The following NUP155 variants were observed in gnomAD, a reference collection of about 807,000 sequenced individuals.
NUP155 encodes the protein nuclear pore complex protein Nup155.
Under a neutral mutation model 180.4 loss-of-function variants are expected in NUP155, and 71 were observed. The ratio of observed to expected loss-of-function variants is 0.39; its 90% confidence interval spans 0.33 to 0.48. The LOEUF (loss-of-function observed/expected upper bound fraction) is 0.48. Ranked by LOEUF, NUP155 falls within the 20% of genes least tolerant of loss-of-function variation. NUP155 has a pLI of 0.91. For missense variants in NUP155, 1,553 were observed against 1,648.9 expected (o/e 0.94, Z 1.01); for synonymous variants, 582 against 559.5 (o/e 1.04, Z -0.57).
intron 20 of NUP155, among the ~76,000 whole-genome samples, chr5:37,320,567 A>C (rs1744182960): frequency 6.6e-6 from 1 of 152,238 alleles, no homozygotes; most frequent in Non-Finnish European, 1.5e-5. Flanking sequence ...GGAAAAGATG[A>C]AACTATCTCT....
chr5:37,362,644 T>C (rs1747297494), intron 3 of NUP155, among the ~76,000 whole-genome samples: 1 of 152,206 alleles, frequency 6.6e-6, no homozygotes, highest in Non-Finnish European at 1.5e-5. Context: ...TGTAATATTT[T>C]TGCAATGACT....
rs139860402 is a variant in NUP155, at chr5:37,360,105, G to A, written c.393-1954C>T. Reference sequence around the variant, plus strand: ...TGCACTCAAGCCTGGGCAACAGAGCGAGACTCTGTCTCAAAAAAAAGGGAG... The same window carrying A: ...TGCACTCAAGCCTGGGCAACAGAGCAAGACTCTGTCTCAAAAAAAAGGGAG... On this transcript the variant is annotated intron_variant, in intron 3 of 34. Transcript: ENST00000231498. Among the ~76,000 whole-genome samples, 108 of 151,892 alleles carry A rather than the reference G, an allele frequency of 7.1e-4. 1 individual carries two copies. In the East Asian group the frequency reaches 0.012, roughly 17 times the overall value.
chr5:37,314,195 T>C lies in NUP155; in HGVS notation c.2436+3A>G, dbSNP rs754737963. 38 of 1,600,416 alleles carry C rather than the reference T, an allele frequency of 2.4e-5. No individual in the cohort carries two copies. The highest frequency in any genetic ancestry group is 3.3e-5 in the Non-Finnish European group (38 of 1,169,154). On this transcript the variant is annotated splice_donor_region_variant and intron_variant, in intron 22 of 34. Coordinates refer to ENST00000231498, the MANE Select transcript of NUP155 (RefSeq NM_153485.3). ...ATAATCATAAAAAAATAAAAAAAAT[T>C]ACCTTCTGAAGTTCTGCCACAATGA...
rs749280881 is a variant in NUP155 at position 37,351,189 on chromosome 5, C to T, written c.723+1G>A. ...AAAACGTTTACAAATGTCAGACTTACCTGGTAGGCTACTTCATATAAACAG... is the reference window on the plus strand; with the variant it reads ...AAAACGTTTACAAATGTCAGACTTATCTGGTAGGCTACTTCATATAAACAG... On this transcript the variant is annotated splice_donor_variant, in intron 6 of 34. Coordinates refer to ENST00000231498, the MANE Select transcript of NUP155 (RefSeq NM_153485.3). LOFTEE classifies it high-confidence loss of function. 4 of 1,613,106 alleles carry T rather than the reference C, an allele frequency of 2.5e-6. No homozygotes were observed. Among genetic ancestry groups the T allele is most frequent in the Non-Finnish European group, 3.4e-6 (4 of 1,179,312 alleles).
chr5:37,339,632 C>A (rs899942795), intron 11 of NUP155, among the ~76,000 whole-genome samples: 6 of 152,060 alleles, frequency 3.9e-5, no homozygotes, highest in African/African-American at 1.4e-4. Flanking sequence ...TTCCTCCCCA[C>A]CCTCAAATGA....
rs951366887 is a variant in NUP155, at chr5:37,291,100, C to T, written c.*800G>A. 3.3e-5 allele frequency: 5 copies of T among 152,194 alleles called. No individual in the cohort carries two copies. The highest frequency in any genetic ancestry group is 1.3e-4 in the Admixed American group (2 of 15,264). 9.4% of individuals were successfully genotyped at this position (152,194 alleles called of 1,614,324 possible). ...CTATGTCAATTCTCAAGGGCTTTAACTGACAAAACCAGTTGTTAGAGGACA... is the reference window on the plus strand; with the variant it reads ...CTATGTCAATTCTCAAGGGCTTTAATTGACAAAACCAGTTGTTAGAGGACA... On this transcript the variant is annotated 3_prime_UTR_variant, in exon 35 of 35. Coordinates refer to ENST00000231498, the MANE Select transcript of NUP155 (RefSeq NM_153485.3).
At chr5:37,344,723 T>C (rs947984926) in intron 9 of NUP155, among the ~76,000 whole-genome samples, 1 of 151,772 alleles carries the variant, frequency 6.6e-6, no homozygotes, top group African/African-American at 2.4e-5. Flanking sequence ...AATACAAAAA[T>C]TACCCAGGTG....
chr5:37,322,984 C>T (rs1454244001), intron 20 of NUP155, among the ~76,000 whole-genome samples: 1 of 149,770 alleles, frequency 6.7e-6, no homozygotes, highest in Non-Finnish European at 1.5e-5. Context: ...AAAAAAAAAA[C>T]CCAAATGTCC....
At chr5:37,346,087 G>A (rs565919378) in intron 9 of NUP155, among the ~76,000 whole-genome samples, 3 of 151,924 alleles carry the variant, frequency 2.0e-5, no homozygotes, top group Admixed American at 1.3e-4. Flanking sequence ...AAACAAAAAG[G>A]CTGAGCAAGA....
chr5:37,351,086 A>G, intron 6 of NUP155, 104 bp downstream of exon 6: 6 of 930,492 alleles, frequency 6.4e-6, no homozygotes, highest in Non-Finnish European at 1.0e-5. Flanking sequence ...TATTTACCAT[A>G]AAAATATATT....
In NUP155 at chr5:37,310,683, G is replaced by T. The variant is rs755852584; in HGVS notation, c.2497C>A (p.Leu833Ile). ...FKDLVIRDKE[L>I]TGALIASLIN... The stretch of plus-strand genomic sequence containing the variant: ...AGAGAAGCAATTAATGCCCCTGTGA[G>T]TTCTTTGTCCCTGATTACAAGATCT... The change falls in exon 23 of 35, where the codon CTC becomes ATC. Residue 833 changes from leucine (L) to isoleucine (I), a missense_variant. Transcript: ENST00000231498. The T allele has an allele frequency of 1.2e-6, 2 of 1,613,892 alleles. No homozygotes were observed. Among genetic ancestry groups the T allele is most frequent in the South Asian group, 2.2e-5 (2 of 91,080 alleles).
At chr5:37,326,236 C>T (rs1054517345) in intron 18 of NUP155, among the ~76,000 whole-genome samples, 1 of 152,122 alleles carries the variant, frequency 6.6e-6, no homozygotes, top group Non-Finnish European at 1.5e-5. Context: ...TAAAGGGGCT[C>T]TGTACTGTTT....
chr5:37,292,177 T>G, intron 34 of NUP155, 139 bp from the exon 35 acceptor site: 1 of 825,020 alleles, frequency 1.2e-6, no homozygotes, highest in Non-Finnish European at 1.9e-6. Flanking sequence ...AGAAATAAAG[T>G]AAAAAAGAAA....
rs1742977646 is a variant in NUP155 at position 37,303,517 on chromosome 5, G to A, written c.3163-103C>T. 3.0e-6 allele frequency: 3 copies of A among 993,676 alleles called. No homozygotes were observed. The African/African-American group carries it at 4.9e-5, about 16-fold the overall frequency. The allele number at this position is 993,676 out of a possible 1,614,324, so 61.6% of individuals were successfully genotyped here. ...TTTAAGTCAACTACAACTTTGCCTT[G>A]TTTTATGAAAACAAGCAAAATTATA... On this transcript the variant is annotated intron_variant, in intron 27 of 34. Transcript: ENST00000231498.
chr5:37,332,168 C>CAA (rs11305356), intron 13 of NUP155, among the ~76,000 whole-genome samples: 5,340 of 99,950 alleles, frequency 0.053, 177 homozygotes, highest in East Asian at 0.11. Flanking sequence ...TCAATTTAGG[C>CAA]AAAAAAAAAA....
chr5:37,341,304 A>T (rs1745704239), intron 10 of NUP155, 62 bp from the exon 11 acceptor site: 2 of 1,353,832 alleles, frequency 1.5e-6, no homozygotes, highest in African/African-American at 2.9e-5. Flanking sequence ...TAAATGTGTT[A>T]TTGAAGCAAT....
At chr5:37,364,433 G>A (rs556267424) in intron 1 of NUP155, 49 bp from the exon 2 acceptor site, 64 of 1,564,266 alleles carry the variant, frequency 4.1e-5, no homozygotes, top group South Asian at 5.6e-5. Context: ...CTCATCAACC[G>A]GGCAAACAAA....
chr5:37,309,328 T>G, intron 23 of NUP155, 61 bp from the exon 24 acceptor site: 1 of 1,394,824 alleles, frequency 7.2e-7, no homozygotes, highest in Non-Finnish European at 1.0e-6. Flanking sequence ...GATGATGCTG[T>G]CAACTAAGTT....
At chr5:37,344,557 A>G (rs1476892595) in intron 9 of NUP155, among the ~76,000 whole-genome samples, 1 of 151,380 alleles carries the variant, frequency 6.6e-6, no homozygotes, top group Non-Finnish European at 1.5e-5. Context: ...AACCAATCCA[A>G]TTCATAAATT....
Sources: allele counts gnomAD v4.1 joint callset (sites outside exome capture counted in the v4.1 genomes callset), GRCh38; gene constraint gnomAD v4.1.1; transcripts MANE v1.5; gene names NCBI Gene and HGNC (gene_info 2026-07-23, HGNC 2026-07-21).